Variants in ARHGAP21 observed in about 807,000 individuals in gnomAD.
ARHGAP21 encodes Rho GTPase activating protein 21, also known as rho GTPase-activating protein 21.
In ARHGAP21, 38 loss-of-function variants were observed where a neutral mutation model predicts 164.6. The ratio of observed to expected loss-of-function variants is 0.23; its 90% CI spans 0.18 to 0.30. The LOEUF (loss-of-function observed/expected upper bound fraction) is 0.30. Ranked by LOEUF, ARHGAP21 falls within the 10% of genes least tolerant of loss-of-function variation. The pLI is 1.00. For missense variants in ARHGAP21, 1,822 were observed against 2,370.7 expected (o/e 0.77, Z 4.81); for synonymous variants, 766 against 857.9 (o/e 0.89, Z 1.87).
chr10:24,697,238 C>A (rs981111935), intron 2 of ARHGAP21, among the ~76,000 whole-genome samples: 1 of 151,972 alleles, frequency 6.6e-6, no homozygotes, highest in African/African-American at 2.4e-5. Context: ...TGGAGGTATT[C>A]GCTGCTGAGA....
chr10:24,666,193 C>G (rs1840183763), intron 4 of ARHGAP21, among the ~76,000 whole-genome samples: 1 of 152,106 alleles, frequency 6.6e-6, no homozygotes, highest in African/African-American at 2.4e-5. Context: ...CCACACCCGG[C>G]TAATATTTTG....
chr10:24,684,104 T>C (rs1365928181), intron 2 of ARHGAP21, among the ~76,000 whole-genome samples: 1 of 152,026 alleles, frequency 6.6e-6, no homozygotes, highest in Admixed American at 6.6e-5. Flanking sequence ...TTGGCCAACG[T>C]ATCAAAACAC....
intron 14 of ARHGAP21, among the ~76,000 whole-genome samples, chr10:24,598,850 C>A (rs903206626): frequency 6.6e-6 from 1 of 152,160 alleles, no homozygotes; most frequent in Non-Finnish European, 1.5e-5. Flanking sequence ...GGATTTAAAT[C>A]CTACCCCTGA....
chr10:24,586,115 C>G lies in ARHGAP21; in HGVS notation c.4183-9G>C. On this transcript the variant is annotated splice_polypyrimidine_tract_variant and intron_variant, in intron 25 of 25. Coordinates refer to ENST00000396432, the MANE Select transcript of ARHGAP21 (RefSeq NM_020824.4). ...CCAGATCCCCAAGAACCCTGGGAAG[C>G]AAGAGAGAAGAAAGACTCTGAGCAT... 6.4e-7 allele frequency: 1 copy of G among 1,561,348 alleles called. No individual in the cohort carries two copies. Among genetic ancestry groups the G allele is most frequent in the East Asian group, 2.2e-5 (1 of 44,528 alleles).
chr10:24,681,993 C>G (rs1841810029), intron 2 of ARHGAP21, among the ~76,000 whole-genome samples: 1 of 151,916 alleles, frequency 6.6e-6, no homozygotes, highest in African/African-American at 2.4e-5. Context: ...ACAACTGTGC[C>G]TTGTCTTTAA....
chr10:24,635,018 T>TA lies in ARHGAP21; in HGVS notation c.353dup (p.Leu118PhefsTer5). On this transcript the variant is annotated frameshift_variant, in exon 5 of 26. Transcript: ENST00000396432. LOFTEE classifies it high-confidence loss of function. ...AAAGAAGAATATCAGCACCTGTACA[T>TA]AATCCAGCTTCAAAAGCAGGTCCTC... The TA allele has an allele frequency of 6.3e-7, 1 of 1,588,596 alleles. No individual in the cohort carries two copies.
intron 4 of ARHGAP21, among the ~76,000 whole-genome samples, chr10:24,642,040 C>T (rs760378969): frequency 6.6e-6 from 1 of 150,570 alleles, no homozygotes; most frequent in Admixed American, 6.6e-5. Context: ...GTCCAGCATA[C>T]ACAAAAGTAG....
intron 4 of ARHGAP21, among the ~76,000 whole-genome samples, chr10:24,657,197 G>T (rs1839120308): frequency 4.7e-5 from 1 of 21,438 alleles, no homozygotes; most frequent in Non-Finnish European, 8.3e-5. Context: ...ACCCCTACTG[G>T]GAAGTGAGGA....
chr10:24,591,707 G>A (rs1308166532), intron 22 of ARHGAP21, 24 bp from the exon 23 acceptor site: 2 of 1,613,126 alleles, frequency 1.2e-6, no homozygotes, highest in African/African-American at 2.7e-5. Flanking sequence ...AAGGTGAGAA[G>A]AGAAATTAAA....
intron 2 of ARHGAP21, among the ~76,000 whole-genome samples, chr10:24,700,222 T>G (rs1843533208): frequency 1.3e-5 from 2 of 152,220 alleles, no homozygotes; most frequent in South Asian, 4.1e-4. Context: ...CTGCACATAT[T>G]AGTGTCTCTG....
intron 2 of ARHGAP21, among the ~76,000 whole-genome samples, chr10:24,686,643 TAC>T (rs1363547068): frequency 6.6e-6 from 1 of 152,182 alleles, no homozygotes; most frequent in African/African-American, 2.4e-5. Flanking sequence ...TTTAATCACA[TAC>T]ACACTTTTTG....
chr10:24,597,887 G>A, intron 15 of ARHGAP21, 58 bp downstream of exon 15: 1 of 1,523,038 alleles, frequency 6.6e-7, no homozygotes, highest in Non-Finnish European at 9.0e-7. Flanking sequence ...TGCAAATAAG[G>A]GGGATGACTG....
chr10:24,694,930 C>T (rs1189175224), intron 2 of ARHGAP21, among the ~76,000 whole-genome samples: 1 of 151,544 alleles, frequency 6.6e-6, no homozygotes. Context: ...ACGCACCTGT[C>T]ATCTCAGCTA....
rs529877883 is a variant in ARHGAP21, at chr10:24,706,099, C to T, written c.63+15738G>A. Among the ~76,000 whole-genome samples, 3 of 152,320 alleles carry T rather than the reference C, an allele frequency of 2.0e-5. No individual in the cohort carries two copies. In the South Asian group the frequency reaches 6.2e-4, roughly 32 times the overall value. On this transcript the variant is annotated intron_variant, in intron 2 of 25. Coordinates refer to ENST00000396432, the MANE Select transcript of ARHGAP21 (RefSeq NM_020824.4). ...GAAAGAACTCAAGAACCATATTTCA[C>T]TAAAACTGAAAAACTAGCTAAAAAG...
At chr10:24,695,069 A>G (rs1186483758) in intron 2 of ARHGAP21, among the ~76,000 whole-genome samples, 5 of 12,734 alleles carry the variant, frequency 3.9e-4, no homozygotes, top group Non-Finnish European at 8.8e-4. Context: ...AAAAAAAAAA[A>G]AAAAAAAAAA....
chr10:24,622,973 T>C, intron 7 of ARHGAP21: 1 of 495,692 alleles, frequency 2.0e-6, no homozygotes, highest in Non-Finnish European at 3.6e-6. Context: ...CTGATTCTTG[T>C]TTGATGTGTC....
At chr10:24,673,536 A>G (rs574457865) in intron 2 of ARHGAP21, among the ~76,000 whole-genome samples, 1 of 152,300 alleles carries the variant, frequency 6.6e-6, no homozygotes, top group Admixed American at 6.5e-5. Flanking sequence ...TTGATCTGTA[A>G]CTCGTATCAC....
At chr10:24,627,891 C>A (rs1835298908) in intron 7 of ARHGAP21, among the ~76,000 whole-genome samples, 2 of 152,194 alleles carry the variant, frequency 1.3e-5, no homozygotes, top group Admixed American at 6.5e-5. Context: ...CCATGCCAGC[C>A]ATTCTGTGAA....
At chr10:24,606,398 T>TATAA (rs2077026756) in intron 11 of ARHGAP21, among the ~76,000 whole-genome samples, 2 of 151,926 alleles carry the variant, frequency 1.3e-5, no homozygotes, top group Admixed American at 1.3e-4. Flanking sequence ...CACAGAAAAA[T>TATAA]ATAAATATCT....
Sources: allele counts gnomAD v4.1 joint callset (sites outside exome capture counted in the v4.1 genomes callset), GRCh38; gene constraint gnomAD v4.1.1; transcripts MANE v1.5; gene names NCBI Gene and HGNC (gene_info 2026-07-23, HGNC 2026-07-21).